The following CYB5R4 variants were observed in gnomAD, a reference collection of about 807,000 sequenced individuals.
The protein encoded by CYB5R4 is N-terminal cytochrome b5 and cytochrome b5 oxidoreductase domain-containing protein.
Under a neutral mutation model 70.2 loss-of-function variants are expected in CYB5R4, and 55 were observed. That is an observed-to-expected ratio of 0.78 (90% CI 0.63 to 0.98). The LOEUF is 0.98. CYB5R4 is among the 50% of genes least tolerant of loss of function. The probability of loss-of-function intolerance (pLI) is 0.00; values close to 1 mark genes in which losing one functional copy is unlikely to be tolerated. For missense variants in CYB5R4, 562 were observed against 612.6 expected (o/e 0.92, Z 0.87); for synonymous variants, 197 against 199.5 (o/e 0.99, Z 0.11).
chr6:83,870,374 G>T (rs1000254577), intron 2 of CYB5R4, among the ~76,000 whole-genome samples: 15 of 150,968 alleles, frequency 9.9e-5, no homozygotes, highest in African/African-American at 3.6e-4. Context: ...CTTCAGTAAT[G>T]ATAACGAAAG....
chr6:83,925,770 A>T (rs1340827422), intron 10 of CYB5R4, among the ~76,000 whole-genome samples: 4 of 152,070 alleles, frequency 2.6e-5, no homozygotes, highest in African/African-American at 9.7e-5. Flanking sequence ...GGTCTGTTTT[A>T]CTTTCTACAT....
chr6:83,953,470 AAAAAAAC>A (rs1359513458), intron 14 of CYB5R4, among the ~76,000 whole-genome samples: 6 of 152,008 alleles, frequency 3.9e-5, no homozygotes, highest in Non-Finnish European at 8.8e-5. Context: ...TTTAGCTAGA[AAAAAAAC>A]AAAAAACAAA....
In CYB5R4 at chr6:83,924,522, G is replaced by T; in HGVS notation, c.744G>T (p.Glu248Asp). Residue 248 changes from glutamate to aspartate, a missense_variant, in exon 10 of 16, where the codon GAG (glutamate) becomes GAT (aspartate). Coordinates refer to ENST00000369681, the MANE Select transcript of CYB5R4 (RefSeq NM_016230.4). Reference protein sequence around the residue: ...GKIEIVLQKKENTSWDFLGHP... With the variant: ...GKIEIVLQKKDNTSWDFLGHP... ...TAGAGATTGTTCTACAAAAAAAAGA[G>T]AATACTTCTTGGGACTTTCTTGGCC... 1 of 1,613,512 alleles carries T rather than the reference G, an allele frequency of 6.2e-7. No individual in the cohort carries two copies. Among genetic ancestry groups the T allele is most frequent in the Non-Finnish European group, 8.5e-7 (1 of 1,179,590 alleles).
chr6:83,957,695 A>G (rs1305100861), intron 15 of CYB5R4, among the ~76,000 whole-genome samples: 3 of 151,760 alleles, frequency 2.0e-5, no homozygotes, highest in African/African-American at 7.3e-5. Context: ...CCTCAGAGCC[A>G]ATCTTTCAAT....
rs528887111 is a variant in CYB5R4 at position 83,862,024 on chromosome 6, T to G, written c.76-2151T>G. The stretch of plus-strand genomic sequence containing the variant: ...TATTGTAATTTTTTAAAGGCACAGA[T>G]TTTGAAGTGAGAAAGACCTAGATTC... On this transcript the variant is annotated intron_variant, in intron 1 of 15. Coordinates refer to ENST00000369681, the MANE Select transcript of CYB5R4 (RefSeq NM_016230.4). 8.8e-4 allele frequency among the ~76,000 whole-genome samples: 134 copies of G among 152,348 alleles called. 2 individuals carry two copies. The highest frequency in any genetic ancestry group is 3.1e-3 in the African/African-American group (127 of 41,566).
chr6:83,934,857 T>G lies in CYB5R4; in HGVS notation c.955+122T>G. 4.6e-6 allele frequency: 4 copies of G among 878,556 alleles called. No homozygotes were observed. In the Admixed American group the frequency reaches 1.3e-4, roughly 28 times the overall value. 54.4% of individuals were successfully genotyped at this position (878,556 alleles called of 1,614,324 possible). On this transcript the variant is annotated intron_variant, in intron 11 of 15. Transcript: ENST00000369681. The stretch of plus-strand genomic sequence containing the variant: ...ATAAATGTTTCCAGGCAGCTAGATT[T>G]AGTGATAGTCAGAATGTAGGTTTGT...
intron 2 of CYB5R4, among the ~76,000 whole-genome samples, chr6:83,883,776 A>G (rs2099459819): frequency 6.7e-6 from 1 of 149,242 alleles, no homozygotes; most frequent in Non-Finnish European, 1.5e-5. Flanking sequence ...AAATACATAT[A>G]AAAAATACAT....
chr6:83,947,138 G>A lies in CYB5R4; in HGVS notation c.1346+6537G>A, dbSNP rs137904606. On this transcript the variant is annotated intron_variant, in intron 14 of 15. Transcript: ENST00000369681. ...AAAAGAACAAAGCTGGAGGCATCAC[G>A]CTACCTGACTTCAAACTATACTGCA... is the stretch of plus-strand genomic sequence containing the variant. Among the ~76,000 whole-genome samples, 803 of 152,140 alleles carry A rather than the reference G, an allele frequency of 5.3e-3. 7 individuals carry two copies. Among genetic ancestry groups the A allele is most frequent in the Non-Finnish European group, 8.2e-3 (559 of 67,970 alleles).
At chr6:83,877,891 A>T (rs2099458825) in intron 2 of CYB5R4, among the ~76,000 whole-genome samples, 1 of 151,984 alleles carries the variant, frequency 6.6e-6, no homozygotes, top group South Asian at 2.1e-4. Context: ...ATTTTGGGAA[A>T]TTTTCAGCCA....
At chr6:83,939,665 A>C (rs2099469453) in intron 12 of CYB5R4, among the ~76,000 whole-genome samples, 2 of 152,178 alleles carry the variant, frequency 1.3e-5, no homozygotes, top group African/African-American at 4.8e-5. Flanking sequence ...AGGTAAGACA[A>C]ATATATATGG....
chr6:83,863,830 TTAAAG>T (rs935553704), intron 1 of CYB5R4, among the ~76,000 whole-genome samples: 3 of 152,194 alleles, frequency 2.0e-5, no homozygotes, highest in African/African-American at 7.2e-5. Flanking sequence ...TAGAGATTAT[TTAAAG>T]TATATGTGAG....
intron 9 of CYB5R4, 148 bp downstream of exon 9, chr6:83,922,618 T>C (rs1288156982): frequency 3.3e-6 from 2 of 602,424 alleles, no homozygotes; most frequent in Non-Finnish European, 5.7e-6. Context: ...TGATGTTTTC[T>C]CTTTTTTTTT....
intron 12 of CYB5R4, 135 bp downstream of exon 12, chr6:83,936,511 T>A: frequency 1.4e-6 from 1 of 726,864 alleles, no homozygotes; most frequent in South Asian, 1.8e-5. Flanking sequence ...CTTCTCCTTG[T>A]CCTACACAGC....
At position 83,892,258 on chromosome 6, in the gene CYB5R4, T is replaced by G. The variant is rs571540722; in HGVS notation, c.230-1264T>G. ...GACTTTATAAAGCTGGACTGGTTGG[T>G]TATTTTCTAATATATAGCTGGTCAA... On this transcript the variant is annotated intron_variant, in intron 2 of 15. Coordinates refer to ENST00000369681, the MANE Select transcript of CYB5R4 (RefSeq NM_016230.4). Among the ~76,000 whole-genome samples, 8 of 152,310 alleles carry G rather than the reference T, an allele frequency of 5.3e-5. No individual in the cohort carries two copies. In the East Asian group the frequency reaches 9.6e-4, roughly 18 times the overall value.
At chr6:83,910,076 T>G (rs772588959) in intron 4 of CYB5R4, 1 of 1,612,582 alleles carries the variant, frequency 6.2e-7, no homozygotes, top group South Asian at 1.1e-5. Context: ...AGGCAAACTC[T>G]GGCACCTGTA....
At chr6:83,948,655 G>C (rs992499711) in intron 14 of CYB5R4, among the ~76,000 whole-genome samples, 1 of 152,116 alleles carries the variant, frequency 6.6e-6, no homozygotes, top group Admixed American at 6.6e-5. Context: ...TTTAGGAATA[G>C]ACATTGTACT....
chr6:83,926,547 T>TA (rs2099467314), intron 10 of CYB5R4, among the ~76,000 whole-genome samples: 1 of 152,112 alleles, frequency 6.6e-6, no homozygotes, highest in Admixed American at 6.5e-5. Context: ...GTCCTCTTTA[T>TA]AAAAATACCA....
At chr6:83,881,803 A>G (rs1462521001) in intron 2 of CYB5R4, among the ~76,000 whole-genome samples, 1 of 152,200 alleles carries the variant, frequency 6.6e-6, no homozygotes, top group Non-Finnish European at 1.5e-5. Context: ...AATGCTTTTA[A>G]TTCGGAAGTC....
At chr6:83,900,204 C>G (rs2129135811) in intron 3 of CYB5R4, among the ~76,000 whole-genome samples, 1 of 152,246 alleles carries the variant, frequency 6.6e-6, no homozygotes, top group South Asian at 2.1e-4. Flanking sequence ...ATCTTTATTT[C>G]TGCCTTCGTT....
Sources: gnomAD v4.1 joint callset for allele counts (sites outside exome capture counted in the v4.1 genomes callset) on GRCh38, gnomAD v4.1.1 for gene constraint, MANE v1.5 for transcripts, NCBI Gene and HGNC (gene_info 2026-07-23, HGNC 2026-07-21) for gene names.